Variants in MACROD2 observed in about 807,000 individuals in gnomAD.
MACROD2 encodes the protein ADP-ribose glycohydrolase MACROD2.
A neutral mutation model predicts 70.4 loss-of-function variants in MACROD2; 36 were observed. The observed-to-expected ratio is 0.51, with a 90% CI of 0.39 to 0.68. The LOEUF is 0.68. MACROD2 is among the 30% of genes least tolerant of loss of function. MACROD2 has a pLI of 0.00. For synonymous variants in MACROD2, 172 were observed against 178.8 expected (o/e 0.96, Z 0.30); for missense variants, 496 against 538.4 (o/e 0.92, Z 0.78).
chr20:15,394,871 A>G (rs1441256720), intron 6 of MACROD2, among the ~76,000 whole-genome samples: 1 of 152,192 alleles, frequency 6.6e-6, no homozygotes, highest in Non-Finnish European at 1.5e-5. Flanking sequence ...AGTCCAGTGT[A>G]GGTTAAACTG....
chr20:14,279,125 G>A (rs1259863306), intron 3 of MACROD2, among the ~76,000 whole-genome samples: 1 of 152,160 alleles, frequency 6.6e-6, no homozygotes, highest in Non-Finnish European at 1.5e-5. Context: ...TAATTGATGT[G>A]TTGTACATGG....
intron 4 of MACROD2, among the ~76,000 whole-genome samples, chr20:14,588,740 G>C (rs1345565603): frequency 6.6e-6 from 1 of 152,124 alleles, no homozygotes; most frequent in Non-Finnish European, 1.5e-5. Flanking sequence ...GAGATTACAG[G>C]TGTGAGCCAC....
At chr20:14,877,457 T>C (rs2122451375) in intron 5 of MACROD2, among the ~76,000 whole-genome samples, 1 of 152,248 alleles carries the variant, frequency 6.6e-6, no homozygotes, top group Middle Eastern at 3.4e-3. Context: ...TTCTCTTCCC[T>C]GATAGCTCTG....
At chr20:14,368,328 G>A (rs954971943) in intron 3 of MACROD2, among the ~76,000 whole-genome samples, 10 of 152,156 alleles carry the variant, frequency 6.6e-5, no homozygotes, top group Non-Finnish European at 1.2e-4. Context: ...CGAGGTGGGC[G>A]GATCATGAGG....
intron 3 of MACROD2, among the ~76,000 whole-genome samples, chr20:14,372,639 GCT>G (rs1002991570): frequency 1.3e-4 from 20 of 152,130 alleles, no homozygotes; most frequent in African/African-American, 4.1e-4. Flanking sequence ...GTTACCCCCA[GCT>G]CTCAGCCTTC....
At chr20:15,659,701 T>C (rs1285061111) in intron 8 of MACROD2, among the ~76,000 whole-genome samples, 1 of 152,112 alleles carries the variant, frequency 6.6e-6, no homozygotes, top group Non-Finnish European at 1.5e-5. Flanking sequence ...TGAGGCTGGG[T>C]AATTTATAAA....
chr20:15,448,411 G>A (rs2046598108), intron 7 of MACROD2, among the ~76,000 whole-genome samples: 1 of 152,130 alleles, frequency 6.6e-6, no homozygotes, highest in Non-Finnish European at 1.5e-5. Context: ...CTTATTACCA[G>A]CTCTCATGGT....
Position 14,593,508 on chromosome 20 carries a change from A to G in MACROD2, c.302-91335A>G, listed in dbSNP as rs373207014. On this transcript the variant is annotated intron_variant, in intron 4 of 17. Transcript: ENST00000684519. ...ACGTGCTTTGGGAAAGCTAAGAATA[A>G]CTAGGATTGTGGCATCCTCCTTGGG... Among the ~76,000 whole-genome samples the G allele has an allele frequency of 7.0e-4, 107 of 152,290 alleles. No individual in the cohort carries two copies. The East Asian group carries it at 0.012, about 17-fold the overall frequency.
chr20:15,777,642 C>CTG (rs2051754327), intron 8 of MACROD2, among the ~76,000 whole-genome samples: 2 of 111,138 alleles, frequency 1.8e-5, no homozygotes, highest in Non-Finnish European at 3.6e-5. Context: ...TCCTTCCTCT[C>CTG]TCTCTCTCTC....
At chr20:14,920,245 C>T (rs2074145354) in intron 5 of MACROD2, among the ~76,000 whole-genome samples, 1 of 152,102 alleles carries the variant, frequency 6.6e-6, no homozygotes, top group Admixed American at 6.6e-5. Flanking sequence ...TTTCTTTTGC[C>T]CCAGGCTTGA....
intron 5 of MACROD2, among the ~76,000 whole-genome samples, chr20:14,733,303 A>G (rs926881538): frequency 3.9e-5 from 6 of 152,142 alleles, no homozygotes; most frequent in East Asian, 1.9e-4. Context: ...TGCATCCTTT[A>G]TATTTTATAA....
chr20:15,435,374 A>G (rs1020857256), intron 7 of MACROD2, among the ~76,000 whole-genome samples: 1 of 152,144 alleles, frequency 6.6e-6, no homozygotes, highest in East Asian at 1.9e-4. Context: ...TTTGTTCCAC[A>G]CACAATGTAA....
chr20:16,007,211 G>A (rs2066801075), intron 15 of MACROD2, among the ~76,000 whole-genome samples: 1 of 152,216 alleles, frequency 6.6e-6, no homozygotes, highest in Non-Finnish European at 1.5e-5. Context: ...AAATGTAGCT[G>A]CATTTTATAA....
intron 3 of MACROD2, among the ~76,000 whole-genome samples, chr20:14,377,531 T>C (rs926089789): frequency 1.5e-5 from 2 of 135,812 alleles, no homozygotes; most frequent in African/African-American, 5.6e-5. Context: ...TGCATCCCTC[T>C]TGGCTACAAA....
intron 5 of MACROD2, among the ~76,000 whole-genome samples, chr20:15,052,504 C>T (rs419742): frequency 0.35 from 53,484 of 151,930 alleles, 9,780 homozygotes; most frequent in Admixed American, 0.45. Context: ...TATAGTGATC[C>T]GTAGTCAGTG....
chr20:14,554,419 C>T (rs540061476), intron 4 of MACROD2: 2 of 152,092 alleles, frequency 1.3e-5, no homozygotes, highest in African/African-American at 2.4e-5. Flanking sequence ...GGCTGTGCAA[C>T]CCATCTGTGG....
Position 14,181,284 on chromosome 20 carries a change from T to C in MACROD2, c.271+95556T>C, listed in dbSNP as rs138786460. Among the ~76,000 whole-genome samples, 593 of 151,874 alleles carry C rather than the reference T, an allele frequency of 3.9e-3. 7 individuals carry two copies. The highest frequency in any genetic ancestry group is 0.014 in the African/African-American group (562 of 41,414). ...GATCTCATTATGTTGCCCAGGCTGG[T>C]CTCAAACTCCTGGGCTCAAGCATTC... On this transcript the variant is annotated intron_variant, in intron 3 of 17. Transcript: ENST00000684519.
intron 5 of MACROD2, among the ~76,000 whole-genome samples, chr20:14,856,451 A>G (rs1183703656): frequency 6.6e-6 from 1 of 152,168 alleles, no homozygotes. Context: ...TGCATACACA[A>G]ACACGCCCTA....
intron 5 of MACROD2, among the ~76,000 whole-genome samples, chr20:14,694,858 A>G (rs6105311): frequency 0.017 from 2,546 of 152,206 alleles, 74 homozygotes; most frequent in African/African-American, 0.057. Context: ...ACTTCAGATG[A>G]CAGCTTTATT....
Sources: allele counts gnomAD v4.1 joint callset (sites outside exome capture counted in the v4.1 genomes callset), GRCh38; gene constraint gnomAD v4.1.1; transcripts MANE v1.5; gene names NCBI Gene and HGNC (gene_info 2026-07-23, HGNC 2026-07-21).